The following OR6C74 variants were observed in gnomAD, a reference collection of about 807,000 sequenced individuals.
OR6C74 encodes olfactory receptor family 6 subfamily C member 74.
For missense variants in OR6C74, 361 were observed against 362.9 expected (o/e 0.99, Z 0.04); for synonymous variants, 142 against 134.2 (o/e 1.06, Z -0.40).
intron 1 of OR6C74, among the ~76,000 whole-genome samples, chr12:55,245,187 T>C (rs762379071): frequency 5.3e-5 from 8 of 152,122 alleles, no homozygotes; most frequent in Non-Finnish European, 1.0e-4. Context: ...ATTTGAGAAG[T>C]TGTACTGAAA....
rs889978242 is a variant in OR6C74, at chr12:55,254,696, T to A, written c.*6470T>A. 6.6e-6 allele frequency among the ~76,000 whole-genome samples: 1 copy of A among 152,148 alleles called. No homozygotes were observed. Among genetic ancestry groups the A allele is most frequent in the East Asian group, 1.9e-4 (1 of 5,176 alleles). ...CTTACCATGTTATAGCCTTATAGCA[T>A]GTGCAGTACTTGTATTTCACATGCT... is the stretch of plus-strand genomic sequence containing the variant. On this transcript the variant is annotated 3_prime_UTR_variant, in exon 2 of 2. Coordinates refer to ENST00000343399, the MANE Select transcript of OR6C74 (RefSeq NM_001005490.2).
chr12:55,247,761 C>G lies in OR6C74; in HGVS notation c.474C>G (p.Leu158=), dbSNP rs1284731392. ...GCTTCCTAATAATTTTTCCGCCACT[C>G]CTGATGGGTCTCCAGCTTGATTTCT... is the stretch of plus-strand genomic sequence containing the variant. The part of the protein sequence containing the change: ...MAGFLIIFPP[L]LMGLQLDFCA... The change falls in exon 2 of 2, where the codon CTC becomes CTG. Residue 158 remains leucine (L), a synonymous_variant. Coordinates refer to ENST00000343399, the MANE Select transcript of OR6C74 (RefSeq NM_001005490.2). 6.2e-7 allele frequency: 1 copy of G among 1,613,984 alleles called. No homozygotes were observed.
chr12:55,244,612 G>A lies in OR6C74; in HGVS notation c.-215G>A, dbSNP rs560211714. 7.9e-5 allele frequency among the ~76,000 whole-genome samples: 12 copies of A among 152,076 alleles called. No homozygotes were observed. The South Asian group carries it at 2.1e-3, about 26-fold the overall frequency. On this transcript the variant is annotated 5_prime_UTR_variant, in exon 1 of 2. Transcript: ENST00000343399. ...AAAACTATAAGCTATCGTATTCCTC[G>A]TATAGACTAGAAACACCTCAGCGTG...
Position 55,250,259 on chromosome 12 carries a change from T to G in OR6C74, c.*2033T>G, listed in dbSNP as rs1954303945. Among the ~76,000 whole-genome samples, 1 of 152,154 alleles carries G rather than the reference T, an allele frequency of 6.6e-6. No individual in the cohort carries two copies. The highest frequency in any genetic ancestry group is 1.5e-5 in the Non-Finnish European group (1 of 68,022). Reference sequence around the variant, plus strand: ...TACATTGCTTACTTTTAAAACTTATTCTTTATACATGAACTCTAAGCTCAG... The same window carrying G: ...TACATTGCTTACTTTTAAAACTTATGCTTTATACATGAACTCTAAGCTCAG... On this transcript the variant is annotated 3_prime_UTR_variant, in exon 2 of 2. Coordinates refer to ENST00000343399, the MANE Select transcript of OR6C74 (RefSeq NM_001005490.2).
intron 1 of OR6C74, 172 bp from the exon 2 acceptor site, chr12:55,247,107 T>C (rs1012457664): frequency 6.2e-6 from 3 of 482,900 alleles, no homozygotes; most frequent in African/African-American, 4.0e-5. Context: ...AAAAGTTGCA[T>C]GTATTTAGCA....
In OR6C74 at chr12:55,254,553, T is replaced by G. The variant is rs553010833; in HGVS notation, c.*6327T>G. On this transcript the variant is annotated 3_prime_UTR_variant, in exon 2 of 2. Coordinates refer to ENST00000343399, the MANE Select transcript of OR6C74 (RefSeq NM_001005490.2). ...CCAAGTGACATGAGGATTTAAGAGA[T>G]AAATTTATTTAGGACAGTCATGGGA... is the stretch of plus-strand genomic sequence containing the variant. Among the ~76,000 whole-genome samples, 2 of 152,222 alleles carry G rather than the reference T, an allele frequency of 1.3e-5. No homozygotes were observed. The highest frequency in any genetic ancestry group is 4.8e-5 in the African/African-American group (2 of 41,570).
Position 55,249,765 on chromosome 12 carries a change from A to G in OR6C74, c.*1539A>G, listed in dbSNP as rs980807109. Among the ~76,000 whole-genome samples, 8 of 151,628 alleles carry G rather than the reference A, an allele frequency of 5.3e-5. No individual in the cohort carries two copies. Among genetic ancestry groups the G allele is most frequent in the Admixed American group, 3.3e-4 (5 of 15,228 alleles). ...GCATCAGGAATTTAAGTTTTTTTTT[A>G]TTATTATACTTTAAGTTCTAGGGTA... On this transcript the variant is annotated 3_prime_UTR_variant, in exon 2 of 2. Transcript: ENST00000343399.
rs1954318962 is a variant in OR6C74 at position 55,252,685 on chromosome 12, A to C, written c.*4459A>C. On this transcript the variant is annotated 3_prime_UTR_variant, in exon 2 of 2. Coordinates refer to ENST00000343399, the MANE Select transcript of OR6C74 (RefSeq NM_001005490.2). Reference sequence around the variant, plus strand: ...GGTTACTTTTTCCCATATTTTTAAAACACCATCTGTTTTGGAACAGAGTAA... The same window carrying C: ...GGTTACTTTTTCCCATATTTTTAAACCACCATCTGTTTTGGAACAGAGTAA... 1.3e-5 allele frequency among the ~76,000 whole-genome samples: 2 copies of C among 151,972 alleles called. No homozygotes were observed. Among genetic ancestry groups the C allele is most frequent in the Admixed American group, 1.3e-4 (2 of 15,232 alleles).
In OR6C74 at chr12:55,256,360, C is replaced by T. The variant is rs189357923; in HGVS notation, c.*8134C>T. Reference sequence around the variant, plus strand: ...GCCTCTTTGGGGGTAAGGCATACTCCCTTCTGATATTTTCCGGTCTAACCG... The same window carrying T: ...GCCTCTTTGGGGGTAAGGCATACTCTCTTCTGATATTTTCCGGTCTAACCG... On this transcript the variant is annotated 3_prime_UTR_variant, in exon 2 of 2. Coordinates refer to ENST00000343399, the MANE Select transcript of OR6C74 (RefSeq NM_001005490.2). 3.8e-3 allele frequency among the ~76,000 whole-genome samples: 578 copies of T among 152,102 alleles called. 3 individuals are homozygous for T. The highest frequency in any genetic ancestry group is 0.013 in the African/African-American group (549 of 41,516).
chr12:55,245,514 A>G (rs1954264616), intron 1 of OR6C74, among the ~76,000 whole-genome samples: 1 of 152,066 alleles, frequency 6.6e-6, no homozygotes, highest in African/African-American at 2.4e-5. Flanking sequence ...AATCTATCTT[A>G]CCTATAACTT....
Position 55,250,911 on chromosome 12 carries a change from G to T in OR6C74, c.*2685G>T, listed in dbSNP as rs927369150. 6.6e-6 allele frequency among the ~76,000 whole-genome samples: 1 copy of T among 151,906 alleles called. No individual in the cohort carries two copies. Among genetic ancestry groups the T allele is most frequent in the Admixed American group, 6.6e-5 (1 of 15,232 alleles). On this transcript the variant is annotated 3_prime_UTR_variant, in exon 2 of 2. Coordinates refer to ENST00000343399, the MANE Select transcript of OR6C74 (RefSeq NM_001005490.2). ...AGTATTAAGACAAGCTAGACTCAAGGTATGTCAATTGTCTATTACATAGCC... is the reference window on the plus strand; with the variant it reads ...AGTATTAAGACAAGCTAGACTCAAGTTATGTCAATTGTCTATTACATAGCC...
chr12:55,254,594 G>A lies in OR6C74; in HGVS notation c.*6368G>A, dbSNP rs978032125. ...AGTCATGGGAACTTCATGATTTGCT[G>A]ATTATTGTATAATTCAAGATAATAA... On this transcript the variant is annotated 3_prime_UTR_variant, in exon 2 of 2. Coordinates refer to ENST00000343399, the MANE Select transcript of OR6C74 (RefSeq NM_001005490.2). Among the ~76,000 whole-genome samples, 1 of 152,078 alleles carries A rather than the reference G, an allele frequency of 6.6e-6. No individual in the cohort carries two copies. Among genetic ancestry groups the A allele is most frequent in the African/African-American group, 2.4e-5 (1 of 41,418 alleles).
At position 55,249,883 on chromosome 12, in the gene OR6C74, C is replaced by G. The variant is rs1440521562; in HGVS notation, c.*1657C>G. On this transcript the variant is annotated 3_prime_UTR_variant, in exon 2 of 2. Transcript: ENST00000343399. ...AACTTGTCATTTACATTAGGTATAT[C>G]TCCTAATGCTATCCCTCCCCTCTCC... 1.3e-5 allele frequency among the ~76,000 whole-genome samples: 2 copies of G among 152,000 alleles called. No homozygotes were observed. The highest frequency in any genetic ancestry group is 2.4e-5 in the African/African-American group (1 of 41,398).
Position 55,248,128 on chromosome 12 carries a change from C to A in OR6C74, c.841C>A (p.Pro281Thr). The A allele has an allele frequency of 1.2e-6, 2 of 1,613,598 alleles. No individual in the cohort carries two copies. Among genetic ancestry groups the A allele is most frequent in the Non-Finnish European group, 1.7e-6 (2 of 1,179,682 alleles). ...GIALLSTSVA[P>T]MLNPFIYTLR... ...AGCTCTGCTCAGCACTTCTGTTGCCCCCATGTTGAATCCCTTTATTTATAC... is the reference window on the plus strand; with the variant it reads ...AGCTCTGCTCAGCACTTCTGTTGCCACCATGTTGAATCCCTTTATTTATAC... Residue 281 changes from proline to threonine, a missense_variant, in exon 2 of 2, where the codon CCC becomes ACC. Pro to Thr is a conservative substitution (Grantham distance 38). Transcript: ENST00000343399.
rs145440971 is a variant in OR6C74, at chr12:55,254,498, C to G, written c.*6272C>G. 9.2e-5 allele frequency among the ~76,000 whole-genome samples: 14 copies of G among 152,068 alleles called. No homozygotes were observed. The highest frequency in any genetic ancestry group is 9.2e-4 in the Admixed American group (14 of 15,266). ...ACCAATATTGCTGTATAATAAACTG[C>G]GAGATCAGAGCCTACCTTTGTTTTC... On this transcript the variant is annotated 3_prime_UTR_variant, in exon 2 of 2. Transcript: ENST00000343399.
In OR6C74 at chr12:55,250,515, G is replaced by A. The variant is rs1397935077; in HGVS notation, c.*2289G>A. On this transcript the variant is annotated 3_prime_UTR_variant, in exon 2 of 2. Coordinates refer to ENST00000343399, the MANE Select transcript of OR6C74 (RefSeq NM_001005490.2). Reference sequence around the variant, plus strand: ...GAAAGAAACCCTAGGCCTAAGTTACGATGGGAAAAGATTAGTGAAGATCAT... The same window carrying A: ...GAAAGAAACCCTAGGCCTAAGTTACAATGGGAAAAGATTAGTGAAGATCAT... Among the ~76,000 whole-genome samples the A allele has an allele frequency of 2.0e-5, 3 of 151,982 alleles. No individual in the cohort carries two copies. The highest frequency in any genetic ancestry group is 1.9e-4 in the East Asian group (1 of 5,182).
In OR6C74 at chr12:55,248,023, G is replaced by A. The variant is rs745312504; in HGVS notation, c.736G>A (p.Val246Met). ...FSTCSSHMVVVSISYGSCIFM... is the reference protein window; with the variant it reads ...FSTCSSHMVVMSISYGSCIFM... ...TACATGTTCTTCCCACATGGTGGTCGTGTCCATTTCTTATGGCAGCTGCAT... is the reference window on the plus strand; with the variant it reads ...TACATGTTCTTCCCACATGGTGGTCATGTCCATTTCTTATGGCAGCTGCAT... Residue 246 changes from valine to methionine, a missense_variant, in exon 2 of 2, where the codon GTG (valine) becomes ATG (methionine). Physicochemically the swap from Val to Met is conservative, Grantham distance 21 (BLOSUM62 1). Coordinates refer to ENST00000343399, the MANE Select transcript of OR6C74 (RefSeq NM_001005490.2). The A allele has an allele frequency of 2.4e-5, 38 of 1,613,892 alleles. No homozygotes were observed. Among genetic ancestry groups the A allele is most frequent in the Non-Finnish European group, 2.8e-5 (33 of 1,179,978 alleles).
chr12:55,247,522 T>C lies in OR6C74; in HGVS notation c.235T>C (p.Phe79Leu). 6.2e-7 allele frequency: 1 copy of C among 1,613,338 alleles called. No homozygotes were observed. Among genetic ancestry groups the C allele is most frequent in the South Asian group, 1.1e-5 (1 of 90,944 alleles). ...ATTCACAACTGTCTACATTCCCAAA[T>C]TTCTTGTTAGTATGGCAACAGGTGA... ...VSFTTVYIPK[F>L]LVSMATGDKT... The change falls in exon 2 of 2, where the codon TTT becomes CTT. Residue 79 changes from phenylalanine to leucine, a missense_variant. Coordinates refer to ENST00000343399, the MANE Select transcript of OR6C74 (RefSeq NM_001005490.2).
chr12:55,244,952 T>C (rs1565646661), intron 1 of OR6C74, among the ~76,000 whole-genome samples, 135 bp downstream of exon 1: 1 of 152,032 alleles, frequency 6.6e-6, no homozygotes, highest in Admixed American at 6.5e-5. Flanking sequence ...AAAAATTACC[T>C]CTGTGCTGGG....
Sources: gnomAD v4.1 joint callset for allele counts (sites outside exome capture counted in the v4.1 genomes callset) on GRCh38, gnomAD v4.1.1 for gene constraint, MANE v1.5 for transcripts, NCBI Gene and HGNC (gene_info 2026-07-23, HGNC 2026-07-21) for gene names.